KLHL1: variants seen among roughly 807,000 people sequenced by gnomAD.
KLHL1 encodes kelch like family member 1.
A neutral mutation model predicts 77.7 loss-of-function variants in KLHL1; 47 were observed. The observed-to-expected ratio is 0.60, with a 90% CI of 0.48 to 0.77. KLHL1 has a LOEUF of 0.77. KLHL1 is among the 30% of genes least tolerant of loss of function. The pLI is 0.00. For missense variants in KLHL1, 925 were observed against 910.8 expected (o/e 1.02, Z -0.20); for synonymous variants, 360 against 325.2 (o/e 1.11, Z -1.15).
At chr13:69,937,195 T>A (rs907158964) in intron 4 of KLHL1, among the ~76,000 whole-genome samples, 1 of 152,206 alleles carries the variant, frequency 6.6e-6, no homozygotes, top group African/African-American at 2.4e-5. Flanking sequence ...GACTCTGGAC[T>A]TTCTGCCCAT....
At chr13:69,746,414 CTAAT>C (rs1566206889) in intron 7 of KLHL1, among the ~76,000 whole-genome samples, 2 of 151,792 alleles carry the variant, frequency 1.3e-5, no homozygotes, top group African/African-American at 2.4e-5. Context: ...GCTCTAAAGT[CTAAT>C]TAATTTAATT....
chr13:70,087,082 G>A (rs1362616795), intron 1 of KLHL1, among the ~76,000 whole-genome samples: 1 of 152,104 alleles, frequency 6.6e-6, no homozygotes, highest in Non-Finnish European at 1.5e-5. Context: ...AGTCCAGTGA[G>A]AGTGGCTTGC....
chr13:69,811,666 T>C (rs1011384438), intron 6 of KLHL1, among the ~76,000 whole-genome samples: 1 of 151,958 alleles, frequency 6.6e-6, no homozygotes, highest in African/African-American at 2.4e-5. Context: ...GACATCCAAG[T>C]AGGAAAAAAA....
chr13:70,014,689 T>C (rs1235934925), intron 1 of KLHL1, among the ~76,000 whole-genome samples: 1 of 152,150 alleles, frequency 6.6e-6, no homozygotes, highest in Non-Finnish European at 1.5e-5. Context: ...ATCAATGTAC[T>C]TAAAGAATTG....
At position 69,731,930 on chromosome 13, in the gene KLHL1, ATATTT is replaced by A. The variant is rs555948240; in HGVS notation, c.1802+8459_1802+8463del. Among the ~76,000 whole-genome samples the A allele has an allele frequency of 2.2e-4, 33 of 152,276 alleles. 1 individual carries two copies. The South Asian group carries it at 4.8e-3, about 22-fold the overall frequency. On this transcript the variant is annotated intron_variant, in intron 8 of 10. Transcript: ENST00000377844. ...GTAGAAGTTTTTCCATCATATAAAA[ATATTT>A]TATTTTTTGACCTAAAAACATATAC...
intron 1 of KLHL1, among the ~76,000 whole-genome samples, chr13:70,030,100 C>T (rs772424293): frequency 6.6e-6 from 1 of 152,122 alleles, no homozygotes; most frequent in Non-Finnish European, 1.5e-5. Flanking sequence ...AAAGCAAGTC[C>T]TTAGAGACCT....
intron 6 of KLHL1, among the ~76,000 whole-genome samples, chr13:69,813,345 G>A (rs906184221): frequency 2.0e-5 from 3 of 151,640 alleles, no homozygotes; most frequent in Admixed American, 2.0e-4. Flanking sequence ...GAGAGGGGAG[G>A]GATAGCATTA....
At chr13:69,825,689 T>A (rs1034644541) in intron 6 of KLHL1, among the ~76,000 whole-genome samples, 1 of 152,138 alleles carries the variant, frequency 6.6e-6, no homozygotes, top group Non-Finnish European at 1.5e-5. Context: ...TAAATCCATT[T>A]AAGAAGCACA....
At chr13:70,038,371 C>T (rs1256053309) in intron 1 of KLHL1, among the ~76,000 whole-genome samples, 1 of 152,020 alleles carries the variant, frequency 6.6e-6, no homozygotes, top group Non-Finnish European at 1.5e-5. Context: ...CAATGGTGCA[C>T]AGGTTTTTAT....
intron 1 of KLHL1, among the ~76,000 whole-genome samples, chr13:70,042,043 T>C (rs1358723680): frequency 6.6e-6 from 1 of 152,194 alleles, no homozygotes; most frequent in East Asian, 1.9e-4. Context: ...TTCTCATTTC[T>C]AGTCTTGGTC....
At position 69,780,743 on chromosome 13, in the gene KLHL1, T is replaced by TAC. The variant is rs1555267695; in HGVS notation, c.1639+15993_1639+15994dup. On this transcript the variant is annotated intron_variant, in intron 7 of 10. Transcript: ENST00000377844. ...ATATATATATATATACATATATATA[T>TAC]ACATATATATATATACACACACATT... Among the ~76,000 whole-genome samples the TAC allele has an allele frequency of 8.6e-3, 522 of 60,926 alleles. 7 individuals are homozygous for TAC. Among genetic ancestry groups the TAC allele is most frequent in the African/African-American group, 0.032 (499 of 15,804 alleles). The allele number at this position is 60,926 out of a possible 152,430, so 40.0% of individuals were successfully genotyped here. A position where few individuals can be genotyped will look rare whatever the true frequency, so the allele number is the denominator to read the frequency against.
At chr13:70,096,378 A>G (rs1566572112) in intron 1 of KLHL1, among the ~76,000 whole-genome samples, 4 of 151,964 alleles carry the variant, frequency 2.6e-5, no homozygotes, top group East Asian at 3.9e-4. Flanking sequence ...TCTTTAATAA[A>G]TGTCACTTTA....
chr13:69,934,384 G>C (rs900661262), intron 4 of KLHL1, among the ~76,000 whole-genome samples: 1 of 151,730 alleles, frequency 6.6e-6, no homozygotes, highest in African/African-American at 2.4e-5. Flanking sequence ...TTACCTATAT[G>C]TATACACAGA....
At chr13:69,742,879 A>G (rs1484359708) in intron 7 of KLHL1, among the ~76,000 whole-genome samples, 1 of 152,178 alleles carries the variant, frequency 6.6e-6, no homozygotes, top group Admixed American at 6.5e-5. Context: ...GGATAAGTAA[A>G]TGTGAAGGTT....
At chr13:69,746,613 TTTTC>T (rs1874225633) in intron 7 of KLHL1, among the ~76,000 whole-genome samples, 1 of 152,118 alleles carries the variant, frequency 6.6e-6, no homozygotes, top group South Asian at 2.1e-4. Context: ...TTTTTTCTCA[TTTTC>T]TTTCTCCAGT....
intron 7 of KLHL1, among the ~76,000 whole-genome samples, chr13:69,787,017 A>C (rs1876588347): frequency 1.3e-5 from 2 of 152,234 alleles, no homozygotes; most frequent in African/African-American, 4.8e-5. Flanking sequence ...AGAGGATACA[A>C]ACAAATGGAA....
At chr13:69,948,518 A>G (rs528037832) in intron 3 of KLHL1, among the ~76,000 whole-genome samples, 2 of 152,122 alleles carry the variant, frequency 1.3e-5, no homozygotes, top group African/African-American at 4.8e-5. Context: ...TACTTTTTAA[A>G]TAGGGTTCCA....
At chr13:69,817,042 C>T (rs1878149467) in intron 6 of KLHL1, among the ~76,000 whole-genome samples, 1 of 151,986 alleles carries the variant, frequency 6.6e-6, no homozygotes, top group African/African-American at 2.4e-5. Flanking sequence ...TATTGTGAGA[C>T]TATTTTACGT....
intron 1 of KLHL1, among the ~76,000 whole-genome samples, chr13:70,075,041 A>G (rs1887228150): frequency 6.6e-6 from 1 of 152,068 alleles, no homozygotes; most frequent in South Asian, 2.1e-4. Flanking sequence ...TGAACTGACA[A>G]AAGTCAGATT....
Sources: gnomAD v4.1 joint callset for allele counts (sites outside exome capture counted in the v4.1 genomes callset) on GRCh38, gnomAD v4.1.1 for gene constraint, MANE v1.5 for transcripts, NCBI Gene and HGNC (gene_info 2026-07-23, HGNC 2026-07-21) for gene names.